PRKCQ: variants seen among roughly 807,000 people sequenced by gnomAD.
PRKCQ encodes the protein protein kinase C theta.
PRKCQ carries 41 observed loss-of-function variants against 91.2 expected under a neutral mutation model. That is an observed-to-expected ratio of 0.45 (90% confidence interval 0.35 to 0.58). The LOEUF (loss-of-function observed/expected upper bound fraction) is 0.58, where lower values mean the gene tolerates loss of function less well. PRKCQ is among the 20% of genes least tolerant of loss of function. PRKCQ has a pLI of 0.00. For missense variants in PRKCQ, 673 were observed against 896.5 expected, an observed-to-expected ratio of 0.75 and a Z score of 3.18; for synonymous variants, 307 against 316.9, an observed-to-expected ratio of 0.97 and a Z score of 0.33.
chr10:6,574,022 C>A (rs4750637), intron 1 of PRKCQ, among the ~76,000 whole-genome samples: 2 of 152,014 alleles, frequency 1.3e-5, no homozygotes, highest in African/African-American at 4.8e-5. Context: ...AGGCTGAGGC[C>A]GGAGGATCCC....
At position 6,520,661 on chromosome 10, in the gene PRKCQ, C is replaced by T. The variant is rs1444926564; in HGVS notation, c.-9-5517G>A. Among the ~76,000 whole-genome samples, 4 of 152,146 alleles carry T rather than the reference C, an allele frequency of 2.6e-5. No individual in the cohort carries two copies. The East Asian group carries it at 5.8e-4, about 22-fold the overall frequency. Reference sequence around the variant, plus strand: ...AAGCCTTCCTTCCCCTCCTCTAGAGCCCTCCCATCAACACATCTCCATGGG... The same window carrying T: ...AAGCCTTCCTTCCCCTCCTCTAGAGTCCTCCCATCAACACATCTCCATGGG... On this transcript the variant is annotated intron_variant, in intron 1 of 17. Transcript: ENST00000263125.
intron 11 of PRKCQ, 64 bp downstream of exon 11, chr10:6,483,376 A>C: frequency 2.1e-5 from 34 of 1,593,388 alleles, no homozygotes; most frequent in Non-Finnish European, 2.8e-5. Context: ...AATTTCTTTG[A>C]CCAGGAACTT....
At chr10:6,546,825 T>C (rs950343183) in intron 1 of PRKCQ, among the ~76,000 whole-genome samples, 1 of 152,194 alleles carries the variant, frequency 6.6e-6, no homozygotes, top group Non-Finnish European at 1.5e-5. Context: ...TCAAAGGGAA[T>C]GCTTCCAGTT....
At chr10:6,411,720 GTCCTTTACAGAA>G in the PRKCQ span, among the ~76,000 whole-genome samples, 2 of 152,242 alleles carry the variant, frequency 1.3e-5, no homozygotes, top group Admixed American at 1.3e-4. Flanking sequence ...TGGCTAAATT[GTCCTTTACAGAA>G]ACATTTGCTG....
chr10:6,435,407 A>G (rs1181561128), intron 16 of PRKCQ, among the ~76,000 whole-genome samples: 3 of 152,238 alleles, frequency 2.0e-5, no homozygotes, highest in Admixed American at 2.0e-4. Context: ...AATGGGGCTC[A>G]AGAATGTGGG....
chr10:6,509,684 C>T (rs532579924), intron 3 of PRKCQ, among the ~76,000 whole-genome samples: 1 of 152,326 alleles, frequency 6.6e-6, no homozygotes, highest in Admixed American at 6.5e-5. Flanking sequence ...GCTGGGATTA[C>T]AGGCATGAGC....
chr10:6,459,257 T>G (rs917567167), intron 14 of PRKCQ, among the ~76,000 whole-genome samples: 9 of 152,238 alleles, frequency 5.9e-5, no homozygotes, highest in African/African-American at 1.4e-4. Context: ...TAACATTCAC[T>G]TGGACATTTT....
At chr10:6,441,445 A>G (rs1833966998) in intron 16 of PRKCQ, among the ~76,000 whole-genome samples, 1 of 142,740 alleles carries the variant, frequency 7.0e-6, no homozygotes, top group South Asian at 2.4e-4. Flanking sequence ...CCCAGCCTAA[A>G]TGCCCATTTT....
chr10:6,477,055 G>A (rs567500178), intron 12 of PRKCQ, among the ~76,000 whole-genome samples: 48 of 152,230 alleles, frequency 3.2e-4, no homozygotes, highest in Middle Eastern at 3.4e-3. Context: ...AGCAGGAAGC[G>A]GGCCTGCATT....
chr10:6,403,421 C>A, the PRKCQ span, among the ~76,000 whole-genome samples: 1 of 152,320 alleles, frequency 6.6e-6, no homozygotes, highest in South Asian at 2.1e-4. Context: ...GACCATCCAA[C>A]ACCTGCAGAG....
chr10:6,476,296 C>A, intron 12 of PRKCQ, among the ~76,000 whole-genome samples: 1 of 134,366 alleles, frequency 7.4e-6, no homozygotes, highest in Non-Finnish European at 1.6e-5. Context: ...GACATGAAAA[C>A]TGTCATACAT....
At chr10:6,395,054 G>GTTTTTTTTTTTTTTTTTTTTTTTTTTT in the PRKCQ span, among the ~76,000 whole-genome samples, 1 of 129,952 alleles carries the variant, frequency 7.7e-6, no homozygotes. Context: ...GGAAGCTGGA[G>GTTTTTTTTTTTTTTTTTTTTTTTTTTT]TCTTTTTTTT....
chr10:6,463,004 CA>C (rs57879218), intron 13 of PRKCQ, among the ~76,000 whole-genome samples: 43,953 of 126,924 alleles, frequency 0.35, 6,847 homozygotes, highest in East Asian at 0.45. Flanking sequence ...GACTCTGACT[CA>C]AAAAAAAAAA....
chr10:6,476,631 T>C (rs528799261), intron 12 of PRKCQ, among the ~76,000 whole-genome samples: 1 of 152,376 alleles, frequency 6.6e-6, no homozygotes, highest in African/African-American at 2.4e-5. Flanking sequence ...TCTGACCATA[T>C]AATAATTTAT....
chr10:6,490,333 C>T (rs1011221874), intron 8 of PRKCQ, among the ~76,000 whole-genome samples: 6 of 151,992 alleles, frequency 3.9e-5, no homozygotes, highest in Non-Finnish European at 7.4e-5. Flanking sequence ...TACCTCATTG[C>T]TCAAAAGAGA....
At chr10:6,515,759 T>A (rs962873263) in intron 1 of PRKCQ, among the ~76,000 whole-genome samples, 6 of 152,076 alleles carry the variant, frequency 3.9e-5, no homozygotes, top group Non-Finnish European at 8.8e-5. Context: ...ACTAATTGAC[T>A]ACTATAAAAT....
chr10:6,537,478 C>T (rs57466464), intron 1 of PRKCQ, among the ~76,000 whole-genome samples: 1,748 of 152,256 alleles, frequency 0.011, 32 homozygotes, highest in African/African-American at 0.039. Context: ...TCCAGCCCTG[C>T]GGGAACGGGA....
At chr10:6,567,462 G>A (rs1023601402) in intron 1 of PRKCQ, among the ~76,000 whole-genome samples, 8 of 152,224 alleles carry the variant, frequency 5.3e-5, no homozygotes, top group African/African-American at 1.7e-4. Flanking sequence ...AGTAAGACGC[G>A]TCACCCGAAT....
chr10:6,435,931 T>C (rs566646942), intron 16 of PRKCQ, among the ~76,000 whole-genome samples: 6 of 152,204 alleles, frequency 3.9e-5, no homozygotes, highest in Admixed American at 1.3e-4. Context: ...CTGGGGAACA[T>C]GGCAAAACCC....
Sources: gnomAD v4.1 joint callset for allele counts (sites outside exome capture counted in the v4.1 genomes callset) on GRCh38, gnomAD v4.1.1 for gene constraint, MANE v1.5 for transcripts, NCBI Gene and HGNC (gene_info 2026-07-23, HGNC 2026-07-21) for gene names.